Variants in KIAA2012 observed in about 807,000 individuals in gnomAD.
KIAA2012 encodes the protein KIAA2012.
In KIAA2012, 125 loss-of-function variants were observed where a neutral mutation model predicts 150.6. The ratio of observed to expected loss-of-function variants is 0.83; its 90% CI spans 0.72 to 0.96. KIAA2012 has a LOEUF of 0.96. KIAA2012 is among the 40% of genes least tolerant of loss of function. The probability of loss-of-function intolerance (pLI) is 0.00; values close to 1 mark genes in which losing one functional copy is unlikely to be tolerated. For synonymous variants in KIAA2012, 462 were observed against 504.7 expected, an observed-to-expected ratio of 0.92 and a Z score of 1.13; for missense variants, 1,219 against 1,354.9, an observed-to-expected ratio of 0.90 and a Z score of 1.57.
intron 12 of KIAA2012, among the ~76,000 whole-genome samples, chr2:202,131,287 A>C (rs983978229): frequency 6.6e-6 from 1 of 151,900 alleles, no homozygotes; most frequent in Non-Finnish European, 1.5e-5. Flanking sequence ...TTACAGGCGC[A>C]CGCCACCACA....
At chr2:202,123,001 A>G (rs1690691267) in intron 11 of KIAA2012, among the ~76,000 whole-genome samples, 1 of 152,108 alleles carries the variant, frequency 6.6e-6, no homozygotes, top group Admixed American at 6.6e-5. Flanking sequence ...CAGCACACAG[A>G]AAAAAATAGA....
rs1193594883 is a variant in KIAA2012 at position 202,196,984 on chromosome 2, G to T, written c.3372G>T (p.Leu1124=). ...AAGAGGAAGCAGCAAGACTGGCTCT[G>T]GAAGAAGCCACGAAACAAGCCCAGG... ...QKEEEAARLA[L]EEATKQAQEQ... Residue 1124 remains leucine (L), a synonymous_variant, in exon 22 of 24, where the codon CTG becomes CTT. Transcript: ENST00000498697. 6.4e-7 allele frequency: 1 copy of T among 1,550,622 alleles called. No homozygotes were observed.
At chr2:202,078,339 A>T (rs1246274499) in intron 2 of KIAA2012, among the ~76,000 whole-genome samples, 1 of 152,214 alleles carries the variant, frequency 6.6e-6, no homozygotes, top group Non-Finnish European at 1.5e-5. Context: ...CCCAGGCTGG[A>T]GTGCAGTGGC....
intron 4 of KIAA2012, among the ~76,000 whole-genome samples, chr2:202,096,122 A>T (rs1275876700): frequency 6.6e-6 from 1 of 152,174 alleles, no homozygotes; most frequent in Non-Finnish European, 1.5e-5. Flanking sequence ...CTATTTAGTA[A>T]GTTTCACTTC....
At chr2:202,107,649 A>C (rs1690232117) in intron 9 of KIAA2012, among the ~76,000 whole-genome samples, 1 of 152,128 alleles carries the variant, frequency 6.6e-6, no homozygotes, top group African/African-American at 2.4e-5. Context: ...CTGGTTTAAG[A>C]AGCCCCTTGG....
intron 13 of KIAA2012, among the ~76,000 whole-genome samples, chr2:202,146,428 G>A (rs764747655): frequency 5.3e-5 from 8 of 151,880 alleles, no homozygotes; most frequent in Non-Finnish European, 8.8e-5. Context: ...GTCAGGAGAT[G>A]GAGACCATCC....
chr2:202,160,385 C>T (rs1423800304), intron 14 of KIAA2012, among the ~76,000 whole-genome samples: 2 of 145,262 alleles, frequency 1.4e-5, no homozygotes, highest in African/African-American at 5.1e-5. Flanking sequence ...GTGATCTCGG[C>T]TCACTGCAAG....
In KIAA2012 at chr2:202,196,876, A is replaced by G; in HGVS notation, c.3264A>G (p.Glu1088=). ...AAAAACACCTGATGGAAATGGCTGA[A>G]GAGGAACGACTGGAGTACCAGCGGC... ...EEQKHLMEMA[E]EERLEYQRRK... Residue 1088 remains glutamate, a synonymous_variant, in exon 22 of 24, where the codon GAA becomes GAG. Transcript: ENST00000498697. 1 of 1,550,788 alleles carries G rather than the reference A, an allele frequency of 6.4e-7. No homozygotes were observed.
intron 14 of KIAA2012, among the ~76,000 whole-genome samples, chr2:202,162,873 T>C (rs776093303): frequency 7.3e-6 from 1 of 137,172 alleles, no homozygotes; most frequent in Middle Eastern, 4.5e-3. Context: ...GAGGTTGCAG[T>C]GAGCTGAGAT....
At chr2:202,073,740 T>G in intron 1 of KIAA2012, 29 bp downstream of exon 1, 1 of 1,538,256 alleles carries the variant, frequency 6.5e-7, no homozygotes, top group South Asian at 1.2e-5. Context: ...GAAAGGCACA[T>G]TTTGGAGGTG....
chr2:202,193,374 G>A lies in KIAA2012; in HGVS notation c.2885G>A (p.Trp962Ter), dbSNP rs912743753. The change falls in exon 20 of 24, where the codon TGG becomes TAG. Residue 962 changes from tryptophan (W) to a stop codon, truncating the protein, a stop_gained. Coordinates refer to ENST00000498697, the MANE Select transcript of KIAA2012 (RefSeq NM_001277372.4). LOFTEE classifies it high-confidence loss of function. ...RLRAERAEMR[W>*]LEVEKKRREQ... ...CGAGCAGAAAGAGCCGAGATGAGGT[G>A]GCTGGAGGTGGAGAAGAAGAGAAGG... The A allele has an allele frequency of 2.6e-6, 4 of 1,550,212 alleles. No individual in the cohort carries two copies. In the African/African-American group the frequency reaches 5.5e-5, roughly 21 times the overall value.
At chr2:202,162,378 G>A (rs545358294) in intron 14 of KIAA2012, among the ~76,000 whole-genome samples, 4 of 151,786 alleles carry the variant, frequency 2.6e-5, no homozygotes, top group East Asian at 2.0e-4. Flanking sequence ...GGGTTCAAGC[G>A]ATTCTCCTGC....
chr2:202,199,051 A>G (rs187238862), intron 22 of KIAA2012, among the ~76,000 whole-genome samples: 2 of 152,324 alleles, frequency 1.3e-5, no homozygotes, highest in African/African-American at 4.8e-5. Context: ...GGGAGTTCCA[A>G]CTTTCCACAC....
chr2:202,079,135 C>G (rs144674497), intron 2 of KIAA2012, among the ~76,000 whole-genome samples: 2 of 152,032 alleles, frequency 1.3e-5, no homozygotes, highest in South Asian at 4.1e-4. Context: ...TTTTAAACTA[C>G]GGGATTTTAC....
rs1553556814 is a variant in KIAA2012, at chr2:202,132,747, A to AGTATATATGTGTATATATGTATATAT, written c.1832-5675_1832-5674insGTATATATGTATATATGTATATATGT. On this transcript the variant is annotated intron_variant, in intron 12 of 23. Transcript: ENST00000498697. ...ATATATAGTATATATGTATATATAT[A>AGTATATATGTGTATATATGTATATAT]GTATATATGTATATATATACATATA... Among the ~76,000 whole-genome samples the AGTATATATGTGTATATATGTATATAT allele has an allele frequency of 6.7e-5, 7 of 104,362 alleles. No individual in the cohort carries two copies. The South Asian group carries it at 9.4e-4, about 14-fold the overall frequency. 68.5% of individuals were successfully genotyped at this position (104,362 alleles called of 152,430 possible). A position where few individuals can be genotyped will look rare whatever the true frequency, so the allele number is the denominator to read the frequency against.
intron 11 of KIAA2012, among the ~76,000 whole-genome samples, chr2:202,122,538 T>C (rs2105935109): frequency 6.6e-6 from 1 of 151,876 alleles, no homozygotes; most frequent in South Asian, 2.1e-4. Context: ...TTCATTCTTG[T>C]TGCCCAGGCT....
rs1037594141 is a variant in KIAA2012 at position 202,075,078 on chromosome 2, G to A, written c.272G>A (p.Gly91Asp). The change falls in exon 2 of 24, where the codon GGC (glycine) becomes GAC (aspartate). Residue 91 changes from glycine to aspartate, a missense_variant. Coordinates refer to ENST00000498697, the MANE Select transcript of KIAA2012 (RefSeq NM_001277372.4). ...TGGACACCCAAAGAGAGGAGAAAAGGCCCCTACTGCCCCAGAGGTCCCTGG... is the reference window on the plus strand; with the variant it reads ...TGGACACCCAAAGAGAGGAGAAAAGACCCCTACTGCCCCAGAGGTCCCTGG... ...SAWTPKERRKGPYCPRGPWRK... is the reference protein window; with the variant it reads ...SAWTPKERRKDPYCPRGPWRK... 65 of 1,550,530 alleles carry A rather than the reference G, an allele frequency of 4.2e-5. No individual in the cohort carries two copies. The highest frequency in any genetic ancestry group is 1.6e-4 in the Admixed American group (8 of 51,002).
At chr2:202,092,819 A>G (rs1442441152) in intron 3 of KIAA2012, among the ~76,000 whole-genome samples, 1 of 152,180 alleles carries the variant, frequency 6.6e-6, no homozygotes, top group Non-Finnish European at 1.5e-5. Context: ...GTACACATGT[A>G]GCACAGAACC....
Position 202,103,161 on chromosome 2 carries a change from G to T in KIAA2012, c.1324+47G>T, listed in dbSNP as rs1056978070. 1.2e-5 allele frequency: 19 copies of T among 1,532,018 alleles called. No homozygotes were observed. In the Admixed American group the frequency reaches 2.6e-4, roughly 21 times the overall value. 94.9% of individuals were successfully genotyped at this position (1,532,018 alleles called of 1,614,324 possible). On this transcript the variant is annotated intron_variant, in intron 8 of 23. Transcript: ENST00000498697. ...ACTCCTGAGGGAGAGCCTGGGATGG[G>T]GGGTCCTGCCACTTCTACATGCTCC...
Sources: gnomAD v4.1 joint callset for allele counts (sites outside exome capture counted in the v4.1 genomes callset) on GRCh38, gnomAD v4.1.1 for gene constraint, MANE v1.5 for transcripts, NCBI Gene and HGNC (gene_info 2026-07-23, HGNC 2026-07-21) for gene names.